VPS35L: variants seen among roughly 807,000 people sequenced by gnomAD.
VPS35L encodes VPS35 endosomal protein sorting factor like, also known as VPS35 endosomal protein-sorting factor-like.
Under a neutral mutation model 133.0 loss-of-function variants are expected in VPS35L, and 83 were observed. The observed-to-expected ratio is 0.62, with a 90% CI of 0.52 to 0.75. The LOEUF is 0.75. VPS35L is among the 30% of genes least tolerant of loss of function. VPS35L has a pLI of 0.00. For synonymous variants in VPS35L, 423 were observed against 449.9 expected (o/e 0.94, Z 0.76); for missense variants, 1,083 against 1,206.8 (o/e 0.90, Z 1.52).
chr16:19,609,187 A>G (rs1972629398), intron 11 of VPS35L, among the ~76,000 whole-genome samples, 166 bp downstream of exon 11: 1 of 152,234 alleles, frequency 6.6e-6, no homozygotes, highest in Admixed American at 6.5e-5. Flanking sequence ...AACTGAATGA[A>G]GTAGAGACAC....
intron 27 of VPS35L, 87 bp downstream of exon 27, chr16:19,669,386 G>C (rs1324052915): frequency 7.1e-7 from 1 of 1,416,068 alleles, no homozygotes; most frequent in East Asian, 2.3e-5. Flanking sequence ...AAAACTGCAG[G>C]AACATTCTAT....
At chr16:19,591,961 C>G (rs757341757) in intron 8 of VPS35L, 87 bp downstream of exon 8, 51 of 1,087,814 alleles carry the variant, frequency 4.7e-5, no homozygotes, top group Non-Finnish European at 6.8e-5. Flanking sequence ...AAATTAGGTT[C>G]TGCTGTGGTT....
At chr16:19,629,199 A>T (rs1973368705) in intron 17 of VPS35L, among the ~76,000 whole-genome samples, 1 of 152,194 alleles carries the variant, frequency 6.6e-6, no homozygotes, top group Admixed American at 6.5e-5. Context: ...TGGGAGGCTG[A>T]GGCAGGAGGA....
chr16:19,691,207 A>G (rs1367403223), intron 28 of VPS35L, 146 bp from the exon 29 acceptor site: 3 of 654,194 alleles, frequency 4.6e-6, no homozygotes, highest in Non-Finnish European at 8.4e-6. Flanking sequence ...CCCCAAGCCC[A>G]GTGGGAAATT....
At chr16:19,666,919 T>TCTTTCTTTCTTTCTTC (rs1974696077) in intron 26 of VPS35L, among the ~76,000 whole-genome samples, 1 of 90,238 alleles carries the variant, frequency 1.1e-5, no homozygotes, top group African/African-American at 6.7e-5. Context: ...TTTCTTTCTT[T>TCTTTCTTTCTTTCTTC]CTTTCTTTCT....
intron 2 of VPS35L, among the ~76,000 whole-genome samples, chr16:19,568,583 G>A (rs1022660314): frequency 4.5e-4 from 69 of 151,972 alleles, no homozygotes; most frequent in Non-Finnish European, 8.8e-5. Context: ...GAGCCCATCG[G>A]GAGTCACCTT....
Position 19,637,635 on chromosome 16 carries a change from C to G in VPS35L, c.1677C>G (p.Asp559Glu). Residue 559 changes from aspartate to glutamate, a missense_variant, in exon 20 of 31, where the codon GAC (aspartate) becomes GAG (glutamate). Asp to Glu is a conservative substitution (Grantham distance 45). Coordinates refer to ENST00000417362, the MANE Select transcript of VPS35L (RefSeq NM_020314.7). ...IIKKVIAHFH[D>E]FSVLFSVEKF... ...AGAAAGTTATTGCCCACTTCCATGACTTCTCAGTTCTTTTCTCAGTGGTAA... is the reference window on the plus strand; with the variant it reads ...AGAAAGTTATTGCCCACTTCCATGAGTTCTCAGTTCTTTTCTCAGTGGTAA... 6.3e-7 allele frequency: 1 copy of G among 1,576,740 alleles called. No homozygotes were observed. The highest frequency in any genetic ancestry group is 8.6e-7 in the Non-Finnish European group (1 of 1,156,514).
intron 3 of VPS35L, among the ~76,000 whole-genome samples, chr16:19,569,907 G>C (rs531794552): frequency 6.6e-6 from 1 of 152,176 alleles, no homozygotes; most frequent in Middle Eastern, 3.4e-3. Flanking sequence ...AGCCTCAAGC[G>C]ATCCTCCCAC....
chr16:19,611,729 A>G (rs1395603017), intron 12 of VPS35L: 1 of 151,992 alleles, frequency 6.6e-6, no homozygotes, highest in Non-Finnish European at 1.5e-5. Flanking sequence ...TCTTTGCAGC[A>G]GAGGCCAAAG....
rs570194424 is a variant in VPS35L, at chr16:19,628,542, T to G, written c.1384-95T>G. Reference sequence around the variant, plus strand: ...GTTGGAAGATTAGCCCCAAGAAGGATTAAACATTACAACCTTTTCTCTTTT... The same window carrying G: ...GTTGGAAGATTAGCCCCAAGAAGGAGTAAACATTACAACCTTTTCTCTTTT... On this transcript the variant is annotated intron_variant, in intron 16 of 30. Coordinates refer to ENST00000417362, the MANE Select transcript of VPS35L (RefSeq NM_020314.7). 3 of 683,670 alleles carry G rather than the reference T, an allele frequency of 4.4e-6. No homozygotes were observed. In the African/African-American group the frequency reaches 5.5e-5, roughly 13 times the overall value. 42.4% of individuals were successfully genotyped at this position (683,670 alleles called of 1,614,324 possible). A position where few individuals can be genotyped will look rare whatever the true frequency, so the allele number is the denominator to read the frequency against.
rs1471241518 is a variant in VPS35L, at chr16:19,610,391, G to C, written c.999G>C (p.Val333=). The change falls in exon 12 of 31, where the codon GTG becomes GTC. Residue 333 remains valine, a synonymous_variant. Transcript: ENST00000417362. The part of the protein sequence containing the change: ...IRGIGDPLVS[V]YARAYLCRVG... ...GGATCGGAGACCCACTAGTGTCGGT[G>C]TATGCCCGTGCCTACCTGTGCCGGG... 6.2e-7 allele frequency: 1 copy of C among 1,614,072 alleles called. No individual in the cohort carries two copies. Among genetic ancestry groups the C allele is most frequent in the East Asian group, 2.2e-5 (1 of 44,884 alleles).
At chr16:19,682,117 A>T in intron 27 of VPS35L, 108 bp from the exon 28 acceptor site, 1 of 1,268,156 alleles carries the variant, frequency 7.9e-7, no homozygotes, top group Non-Finnish European at 1.1e-6. Flanking sequence ...TGACAACGTT[A>T]ATTTCTCTAC....
At chr16:19,691,131 G>A (rs987697885) in intron 28 of VPS35L, among the ~76,000 whole-genome samples, 6 of 152,268 alleles carry the variant, frequency 3.9e-5, no homozygotes, top group African/African-American at 1.4e-4. Flanking sequence ...GGGCTAGAGG[G>A]GTGACTTCCA....
chr16:19,634,315 T>C (rs1002006306), intron 19 of VPS35L, among the ~76,000 whole-genome samples: 1 of 151,000 alleles, frequency 6.6e-6, no homozygotes, highest in African/African-American at 2.4e-5. Flanking sequence ...TGCATGCCTA[T>C]AGTCCCAGCT....
chr16:19,691,044 C>G (rs1028210938), intron 28 of VPS35L, among the ~76,000 whole-genome samples: 16 of 152,340 alleles, frequency 1.1e-4, no homozygotes, highest in Admixed American at 3.9e-4. Flanking sequence ...AGTGAAAGCC[C>G]TAGCCCAGTG....
chr16:19,685,694 A>T (rs936673993), intron 28 of VPS35L, among the ~76,000 whole-genome samples: 4 of 151,994 alleles, frequency 2.6e-5, no homozygotes, highest in African/African-American at 7.2e-5. Context: ...ATTCTTTTTC[A>T]TGTCAGCTGT....
At chr16:19,570,557 C>T (rs922328361) in intron 3 of VPS35L, among the ~76,000 whole-genome samples, 10 of 151,928 alleles carry the variant, frequency 6.6e-5, no homozygotes, top group Middle Eastern at 3.4e-3. Flanking sequence ...TAGCTTTTCC[C>T]CTGTATTTTC....
intron 27 of VPS35L, among the ~76,000 whole-genome samples, chr16:19,679,472 T>A (rs77938376): frequency 0.15 from 596 of 3,922 alleles, 8 homozygotes; most frequent in African/African-American, 0.32. Flanking sequence ...AGAACAATTA[T>A]TTATTTATTT....
intron 29 of VPS35L, among the ~76,000 whole-genome samples, chr16:19,693,513 A>G (rs980757958): frequency 3.3e-5 from 5 of 151,840 alleles, no homozygotes; most frequent in East Asian, 3.9e-4. Flanking sequence ...AGGTACGGTG[A>G]CTCACGCCTG....
Sources: gnomAD v4.1 joint callset for allele counts (sites outside exome capture counted in the v4.1 genomes callset) on GRCh38, gnomAD v4.1.1 for gene constraint, MANE v1.5 for transcripts, NCBI Gene and HGNC (gene_info 2026-07-23, HGNC 2026-07-21) for gene names.